ZNF669: variants seen among roughly 807,000 people sequenced by gnomAD.
The protein encoded by ZNF669 is zinc finger protein 669.
A neutral mutation model predicts 11.4 loss-of-function variants in ZNF669; 7 were observed. The ratio of observed to expected loss-of-function variants is 0.62; its 90% confidence interval spans 0.35 to 1.16. The LOEUF (loss-of-function observed/expected upper bound fraction) is 1.16. ZNF669 is among the 50% of genes most tolerant of loss of function. The probability of loss-of-function intolerance (pLI) is 0.02; values close to 1 mark genes in which losing one functional copy is unlikely to be tolerated. For synonymous variants in ZNF669, 153 were observed against 155.8 expected (o/e 0.98, Z 0.13); for missense variants, 492 against 463.6 (o/e 1.06, Z -0.56).
In ZNF669 at chr1:247,100,531, G is replaced by C. The variant is rs761974171; in HGVS notation, c.980C>G (p.Thr327Ser). The change falls in exon 4 of 4, where the codon ACT (threonine) becomes AGT (serine). Residue 327 changes from threonine to serine, a missense_variant. By Grantham distance (58) the Thr-to-Ser change is moderately conservative. Transcript: ENST00000448299. ...CTTACATTCATAGGGTTTTTCTCCA[G>C]TATGAATTCTTTCGTGGAGGTGAAG... ...SSLHLHERIH[T>S]GEKPYECKKC... 8.7e-6 allele frequency: 14 copies of C among 1,614,104 alleles called. No homozygotes were observed. The Admixed American group carries it at 2.3e-4, about 27-fold the overall frequency.
Position 247,100,783 on chromosome 1 carries a change from G to C in ZNF669, c.728C>G (p.Thr243Ser). Residue 243 changes from threonine (T) to serine (S), a missense_variant, in exon 4 of 4, where the codon ACT becomes AGT. By Grantham distance (58) the Thr-to-Ser change is moderately conservative. Transcript: ENST00000448299. ...GGTACATTTATAGGGTCTTTCTCCA[G>C]TGTGAGTCCTTTCATGCGTCTTAAA... Reference protein sequence around the residue: ...CSFKTHERTHTGERPYKCTKC... With the variant: ...CSFKTHERTHSGERPYKCTKC... The C allele has an allele frequency of 6.2e-7, 1 of 1,613,910 alleles. No homozygotes were observed. Among genetic ancestry groups the C allele is most frequent in the Non-Finnish European group, 8.5e-7 (1 of 1,179,902 alleles).
rs139983252 is a variant in ZNF669, at chr1:247,104,183, C to A, written c.3+14G>T. On this transcript the variant is annotated intron_variant, in intron 1 of 3. Coordinates refer to ENST00000448299, the MANE Select transcript of ZNF669 (RefSeq NM_001142572.2). ...CTCTTCTCCACTTCGGGAAGCCAGG[C>A]GCAGTCCACTCACCATTCCTCGGCT... The A allele has an allele frequency of 1.4e-5, 22 of 1,531,138 alleles. No individual in the cohort carries two copies. The highest frequency in any genetic ancestry group is 1.8e-5 in the Non-Finnish European group (21 of 1,140,504). 94.8% of individuals were successfully genotyped at this position (1,531,138 alleles called of 1,614,324 possible).
chr1:247,104,109 G>A (rs1671791819), intron 1 of ZNF669, 88 bp downstream of exon 1: 3 of 1,597,258 alleles, frequency 1.9e-6, no homozygotes, highest in Admixed American at 1.7e-5. Flanking sequence ...AGGTTCCGGA[G>A]CCGATGGCGT....
chr1:247,103,820 G>T, intron 1 of ZNF669: 1 of 1,311,352 alleles, frequency 7.6e-7, no homozygotes, highest in South Asian at 1.6e-5. Context: ...TTAATTTTAG[G>T]GGAAGAAAGG....
intron 1 of ZNF669, among the ~76,000 whole-genome samples, chr1:247,102,699 G>A (rs1312708168): frequency 6.6e-6 from 1 of 152,208 alleles, no homozygotes; most frequent in East Asian, 1.9e-4. Flanking sequence ...AACACTAAGT[G>A]TTTAATGAGT....
chr1:247,103,937 A>C, intron 1 of ZNF669: 1 of 1,597,188 alleles, frequency 6.3e-7, no homozygotes, highest in Non-Finnish European at 8.5e-7. Flanking sequence ...TCACCACACT[A>C]CCTGGATAGG....
chr1:247,103,871 G>A, intron 1 of ZNF669: 3 of 1,494,430 alleles, frequency 2.0e-6, no homozygotes, highest in Non-Finnish European at 2.7e-6. Context: ...CTCCCATGCT[G>A]GAACCCCGCA....
At position 247,100,479 on chromosome 1, in the gene ZNF669, G is replaced by T. The variant is rs1262043451; in HGVS notation, c.1032C>A (p.Ser344=). 6.8e-6 allele frequency: 11 copies of T among 1,614,106 alleles called. No individual in the cohort carries two copies. The highest frequency in any genetic ancestry group is 9.3e-6 in the Non-Finnish European group (11 of 1,180,054). ...CKKCGKAYTR[S]SHLTRHERSH... is the part of the protein sequence containing the mutation. ...TTCTTTCATGGCGAGTAAGGTGACT[G>T]GAACGAGTGTAGGCTTTACCGCATT... Residue 344 remains serine, a synonymous_variant, in exon 4 of 4, where the codon TCC becomes TCA. Transcript: ENST00000448299.
chr1:247,104,139 C>T (rs752491668), intron 1 of ZNF669, 58 bp downstream of exon 1: 2 of 1,579,980 alleles, frequency 1.3e-6, no homozygotes, highest in South Asian at 1.2e-5. Context: ...AGTCGCGCCA[C>T]AGCAGGTTTC....
Sources: allele counts gnomAD v4.1 joint callset (sites outside exome capture counted in the v4.1 genomes callset), GRCh38; gene constraint gnomAD v4.1.1; transcripts MANE v1.5; gene names NCBI Gene and HGNC (gene_info 2026-07-23, HGNC 2026-07-21).